The following NALF1 variants were observed in gnomAD, a reference collection of about 807,000 sequenced individuals.
NALF1 encodes the protein NALCN channel auxiliary factor 1.
A neutral mutation model predicts 48.4 loss-of-function variants in NALF1; 3 were observed. The ratio of observed to expected loss-of-function variants is 0.06; its 90% confidence interval spans 0.03 to 0.16. The LOEUF (loss-of-function observed/expected upper bound fraction) is 0.16, where lower values mean the gene tolerates loss of function less well. Among genes scored for constraint, NALF1 ranks in the 10% least tolerant of loss-of-function variants. NALF1 has a pLI of 1.00. For synonymous variants in NALF1, 262 were observed against 245.7 expected (o/e 1.07, Z -0.62); for missense variants, 526 against 571.5 (o/e 0.92, Z 0.81).
At chr13:107,864,304 G>C (rs1427452717) in intron 1 of NALF1, among the ~76,000 whole-genome samples, 9 of 152,184 alleles carry the variant, frequency 5.9e-5, no homozygotes, top group Non-Finnish European at 1.5e-5. Flanking sequence ...TGAAGAATGA[G>C]AATAAGGCAA....
intron 1 of NALF1, among the ~76,000 whole-genome samples, chr13:107,565,561 C>T (rs944145202): frequency 2.0e-5 from 3 of 152,020 alleles, no homozygotes; most frequent in African/African-American, 4.8e-5. Flanking sequence ...AATGCAGTCC[C>T]GAGAGTTGAA....
At chr13:107,541,529 C>T (rs1229355090) in intron 1 of NALF1, among the ~76,000 whole-genome samples, 1 of 152,032 alleles carries the variant, frequency 6.6e-6, no homozygotes. Flanking sequence ...AGAGAGGGCA[C>T]AAGATTTTCC....
chr13:107,449,533 C>G (rs761173159), intron 1 of NALF1, among the ~76,000 whole-genome samples: 4 of 152,052 alleles, frequency 2.6e-5, no homozygotes, highest in Admixed American at 6.6e-5. Flanking sequence ...TATAGCATGC[C>G]TTTTAAAAAA....
chr13:107,854,232 G>A (rs975142486), intron 1 of NALF1, among the ~76,000 whole-genome samples: 1 of 152,096 alleles, frequency 6.6e-6, no homozygotes, highest in Non-Finnish European at 1.5e-5. Context: ...GAAACTTTCC[G>A]GGACCCATAG....
At chr13:107,616,783 C>CCA (rs1879391224) in intron 1 of NALF1, among the ~76,000 whole-genome samples, 1 of 152,160 alleles carries the variant, frequency 6.6e-6, no homozygotes, top group African/African-American at 2.4e-5. Context: ...ACTCCCCACC[C>CCA]CACAGTGCAT....
chr13:107,700,173 T>G (rs539333410), intron 1 of NALF1, among the ~76,000 whole-genome samples: 3 of 150,848 alleles, frequency 2.0e-5, no homozygotes, highest in African/African-American at 7.3e-5. Flanking sequence ...TATTCAGAAC[T>G]AAAAAAAACC....
intron 1 of NALF1, among the ~76,000 whole-genome samples, chr13:107,722,162 G>A (rs538082527): frequency 1.3e-5 from 2 of 151,962 alleles, no homozygotes; most frequent in East Asian, 1.9e-4. Context: ...TAGAACACAT[G>A]GTCTTATCAT....
intron 1 of NALF1, among the ~76,000 whole-genome samples, chr13:107,453,612 C>G (rs1364619478): frequency 6.6e-6 from 1 of 152,216 alleles, no homozygotes; most frequent in Non-Finnish European, 1.5e-5. Flanking sequence ...TTCTGACATG[C>G]CCTGGAGACA....
At chr13:107,769,593 T>G (rs1877516742) in intron 1 of NALF1, among the ~76,000 whole-genome samples, 2 of 148,558 alleles carry the variant, frequency 1.3e-5, no homozygotes, top group South Asian at 2.2e-4. Flanking sequence ...TAATGCTAGA[T>G]GACGAGTTAG....
chr13:107,479,112 G>A (rs1344355320), intron 1 of NALF1, among the ~76,000 whole-genome samples: 1 of 152,108 alleles, frequency 6.6e-6, no homozygotes, highest in African/African-American at 2.4e-5. Flanking sequence ...CTTAGAAGAT[G>A]CCCTTAAAGT....
intron 1 of NALF1, among the ~76,000 whole-genome samples, chr13:107,527,857 C>T (rs1050624734): frequency 5.9e-5 from 9 of 152,206 alleles, no homozygotes; most frequent in Admixed American, 3.9e-4. Context: ...ACTGTGAGTC[C>T]CTTAAACCTC....
chr13:107,531,382 C>CAAAG (rs1258351220), intron 1 of NALF1: 1 of 153,842 alleles, frequency 6.5e-6, no homozygotes, highest in Non-Finnish European at 1.5e-5. Context: ...GGTCACGTGA[C>CAAAG]AAAGACTGTT....
intron 2 of NALF1, among the ~76,000 whole-genome samples, chr13:107,203,991 G>A (rs969457279): frequency 1.5e-5 from 2 of 136,676 alleles, no homozygotes; most frequent in Non-Finnish European, 3.3e-5. Flanking sequence ...TCACCCAGGT[G>A]AGCTGGAGGC....
chr13:107,292,986 C>A (rs114918961), intron 1 of NALF1, among the ~76,000 whole-genome samples: 1 of 70,480 alleles, frequency 1.4e-5, no homozygotes, highest in South Asian at 5.5e-4. Flanking sequence ...TATAGTTTTT[C>A]TTTTTCTTTT....
chr13:107,729,934 TGA>T (rs1876262017), intron 1 of NALF1, among the ~76,000 whole-genome samples: 1 of 152,206 alleles, frequency 6.6e-6, no homozygotes, highest in Admixed American at 6.6e-5. Context: ...AAATATTTAT[TGA>T]GTGTCTCCTC....
chr13:107,210,267 A>T (rs1879733555), intron 2 of NALF1, among the ~76,000 whole-genome samples: 1 of 152,230 alleles, frequency 6.6e-6, no homozygotes, highest in Admixed American at 6.5e-5. Context: ...TTCAAAGGCA[A>T]TGCAGGCTGA....
At chr13:107,856,539 T>C (rs1171328332) in intron 1 of NALF1, among the ~76,000 whole-genome samples, 1 of 152,222 alleles carries the variant, frequency 6.6e-6, no homozygotes, top group Admixed American at 6.5e-5. Context: ...TCATTATTTT[T>C]TAAATTATTC....
intron 1 of NALF1, among the ~76,000 whole-genome samples, chr13:107,566,602 C>A (rs183349393): frequency 1.3e-5 from 2 of 152,318 alleles, no homozygotes; most frequent in South Asian, 2.1e-4. Flanking sequence ...GGGGTTCGCA[C>A]GGTAACACCA....
At chr13:107,526,948 C>T (rs1406567606) in intron 1 of NALF1, among the ~76,000 whole-genome samples, 1 of 152,118 alleles carries the variant, frequency 6.6e-6, no homozygotes, top group Admixed American at 6.6e-5. Flanking sequence ...TATAGTCTAA[C>T]CTAGTTTTGA....
Sources: allele counts gnomAD v4.1 joint callset (sites outside exome capture counted in the v4.1 genomes callset), GRCh38; gene constraint gnomAD v4.1.1; transcripts MANE v1.5; gene names NCBI Gene and HGNC (gene_info 2026-07-23, HGNC 2026-07-21).